The following SYAP1 variants were observed in gnomAD, a reference collection of about 807,000 sequenced individuals.
SYAP1 encodes synapse associated protein 1.
SYAP1 carries 3 observed loss-of-function variants against 29.6 expected under a neutral mutation model. The observed-to-expected ratio is 0.10, with a 90% CI of 0.05 to 0.26. The LOEUF (loss-of-function observed/expected upper bound fraction) is 0.26, where lower values mean the gene tolerates loss of function less well. SYAP1 is among the 10% of genes least tolerant of loss of function. SYAP1 has a pLI of 1.00. For missense variants in SYAP1, 217 were observed against 264.1 expected, an observed-to-expected ratio of 0.82 and a Z score of 1.24; for synonymous variants, 102 against 102.7, an observed-to-expected ratio of 0.99 and a Z score of 0.04.
chrX:16,745,634 G>A (rs1321040346), intron 5 of SYAP1, among the ~76,000 whole-genome samples: 1 of 109,048 alleles, frequency 9.2e-6, no homozygotes, highest in Non-Finnish European at 1.9e-5. Context: ...TACTCGGGAG[G>A]CTGAGGCAGG....
chrX:16,720,011 C>A, intron 1 of SYAP1, 112 bp downstream of exon 1: 1 of 778,504 alleles, frequency 1.3e-6, no homozygotes, highest in Non-Finnish European at 1.8e-6. Flanking sequence ...AGGTGGGAGG[C>A]AGGGGAGGAA....
chrX:16,760,943 A>G lies in SYAP1; in HGVS notation c.*584A>G, dbSNP rs1328966053. ...AATTTTACATTAAGAAATACTGTGC[A>G]GGCCATGCGTGGTGGCTCAGGCCTG... On this transcript the variant is annotated 3_prime_UTR_variant, in exon 9 of 9. Transcript: ENST00000380155. 1 of 111,819 alleles carries G rather than the reference A, an allele frequency of 8.9e-6. No homozygotes were observed. The highest frequency in any genetic ancestry group is 1.9e-5 in the Non-Finnish European group (1 of 53,188). 9.2% of individuals were successfully genotyped at this position (111,819 alleles called of 1,213,427 possible).
chrX:16,753,193 A>C (rs1485247306), intron 5 of SYAP1, among the ~76,000 whole-genome samples: 1 of 106,801 alleles, frequency 9.4e-6, no homozygotes, highest in Non-Finnish European at 1.9e-5. Context: ...GCAGTGAGCC[A>C]AGATCGCGCC....
intron 1 of SYAP1, among the ~76,000 whole-genome samples, chrX:16,726,451 G>A (rs932347108): frequency 1.8e-5 from 2 of 110,408 alleles, no homozygotes; most frequent in African/African-American, 3.3e-5. Context: ...TTACTTAATC[G>A]TGCTTTAAGG....
chrX:16,730,285 T>A (rs907968177), intron 1 of SYAP1, among the ~76,000 whole-genome samples: 1 of 112,183 alleles, frequency 8.9e-6, no homozygotes, highest in African/African-American at 3.2e-5. Context: ...AACCAGAAGG[T>A]GGAGGTTGCA....
chrX:16,728,448 C>T (rs1926130048), intron 1 of SYAP1, among the ~76,000 whole-genome samples: 1 of 111,323 alleles, frequency 9.0e-6, no homozygotes, highest in Non-Finnish European at 1.9e-5. Flanking sequence ...AGGTGGATCA[C>T]CTGAGGCCAG....
At chrX:16,722,145 A>G (rs893149321) in intron 1 of SYAP1, among the ~76,000 whole-genome samples, 21 of 112,345 alleles carry the variant, frequency 1.9e-4, no homozygotes, top group African/African-American at 6.5e-4. Context: ...ATTGTCTTTA[A>G]GAAGACCCAT....
intron 5 of SYAP1, among the ~76,000 whole-genome samples, chrX:16,752,589 C>T (rs753905485): frequency 9.1e-6 from 1 of 110,010 alleles, no homozygotes; most frequent in East Asian, 2.9e-4. Flanking sequence ...CCATCTCACT[C>T]TCAGACCCCA....
At chrX:16,748,251 G>A (rs1163438901) in intron 5 of SYAP1, among the ~76,000 whole-genome samples, 6 of 111,789 alleles carry the variant, frequency 5.4e-5, no homozygotes, top group Admixed American at 1.9e-4. Flanking sequence ...TGATACTCAC[G>A]GTAGGTAGGT....
At chrX:16,723,116 A>G (rs1050328836) in intron 1 of SYAP1, among the ~76,000 whole-genome samples, 3 of 111,965 alleles carry the variant, frequency 2.7e-5, no homozygotes, top group Non-Finnish European at 3.8e-5. Context: ...TGCTATTAGT[A>G]TTGCAGTGGA....
intron 5 of SYAP1, among the ~76,000 whole-genome samples, chrX:16,754,620 C>T (rs761079192): frequency 1.0e-4 from 11 of 110,326 alleles, no homozygotes; most frequent in African/African-American, 3.6e-4. Context: ...CCCAGCAACT[C>T]GGGAGGCTGA....
intron 5 of SYAP1, among the ~76,000 whole-genome samples, chrX:16,749,340 C>T (rs1426015130): frequency 9.0e-6 from 1 of 111,216 alleles, no homozygotes; most frequent in Non-Finnish European, 1.9e-5. Context: ...CAGGTGTGAG[C>T]CACTACCGTG....
rs1008445085 is a variant in SYAP1 at position 16,744,561 on chromosome X, G to A, written c.575+721G>A. ...AAAGACTCCTTTTTCAGCTGGGTGC[G>A]GTGGCCAATGCCTGTAATCTCAACA... On this transcript the variant is annotated intron_variant, in intron 5 of 8. Transcript: ENST00000380155. Among the ~76,000 whole-genome samples, 7 of 112,554 alleles carry A rather than the reference G, an allele frequency of 6.2e-5. No individual in the cohort carries two copies. In the Admixed American group the frequency reaches 6.6e-4, roughly 11 times the overall value.
Position 16,754,931 on chromosome X carries a change from C to A in SYAP1, c.576-14C>A, listed in dbSNP as rs372386637. 75 of 1,206,072 alleles carry A rather than the reference C, an allele frequency of 6.2e-5. No homozygotes were observed. The Middle Eastern group carries it at 6.9e-4, about 11-fold the overall frequency. On this transcript the variant is annotated splice_polypyrimidine_tract_variant and intron_variant, in intron 5 of 8. Coordinates refer to ENST00000380155, the MANE Select transcript of SYAP1 (RefSeq NM_032796.4). Reference sequence around the variant, plus strand: ...TGCCTTTTTCCACTGTTCTAATTTGCCTTTCTTTAAAAGTGTGAAGGAAGA... The same window carrying A: ...TGCCTTTTTCCACTGTTCTAATTTGACTTTCTTTAAAAGTGTGAAGGAAGA...
At chrX:16,749,910 C>CAAA (rs201193907) in intron 5 of SYAP1, among the ~76,000 whole-genome samples, 1 of 58,037 alleles carries the variant, frequency 1.7e-5, no homozygotes, top group Non-Finnish European at 3.4e-5. Context: ...GACTCCATCT[C>CAAA]AAAAAAAAAA....
chrX:16,739,306 A>G (rs908201156), intron 3 of SYAP1, among the ~76,000 whole-genome samples: 4 of 110,471 alleles, frequency 3.6e-5, no homozygotes, highest in African/African-American at 1.3e-4. Flanking sequence ...CCATCCACAC[A>G]TGCATGTAAC....
chrX:16,736,215 A>G lies in SYAP1; in HGVS notation c.344A>G (p.Gln115Arg). 8.4e-7 allele frequency: 1 copy of G among 1,194,863 alleles called. No individual in the cohort carries two copies. The highest frequency in any genetic ancestry group is 1.1e-6 in the Non-Finnish European group (1 of 880,208). ...QKEQKKFVEE[Q>R]HTKKSEAAVP... ...GAACAGAAAAAATTTGTTGAAGAGC[A>G]ACATACAAAGAAGTCAGGTATGGTA... Residue 115 changes from glutamine to arginine, a missense_variant, in exon 3 of 9, where the codon CAA (glutamine) becomes CGA (arginine). Coordinates refer to ENST00000380155, the MANE Select transcript of SYAP1 (RefSeq NM_032796.4).
chrX:16,726,427 C>A (rs1270644828), intron 1 of SYAP1, among the ~76,000 whole-genome samples: 3 of 110,471 alleles, frequency 2.7e-5, no homozygotes, highest in African/African-American at 9.9e-5. Context: ...TCTCTTCAGA[C>A]CCCCCAGTAA....
Position 16,750,986 on chromosome X carries a change from C to T in SYAP1, c.576-3959C>T, listed in dbSNP as rs1297995824. The stretch of plus-strand genomic sequence containing the variant: ...TTCACCATGTTGCCTAGGCTGGTCT[C>T]GAACTCCTGACCTCAGGTGATCCGC... On this transcript the variant is annotated intron_variant, in intron 5 of 8. Coordinates refer to ENST00000380155, the MANE Select transcript of SYAP1 (RefSeq NM_032796.4). Among the ~76,000 whole-genome samples the T allele has an allele frequency of 3.7e-5, 4 of 107,622 alleles. No individual in the cohort carries two copies. In the Admixed American group the frequency reaches 4.0e-4, roughly 11 times the overall value. The allele number at this position is 107,622 out of a possible 115,157, so 93.5% of individuals were successfully genotyped here.
Sources: gnomAD v4.1 joint callset for allele counts (sites outside exome capture counted in the v4.1 genomes callset) on GRCh38, gnomAD v4.1.1 for gene constraint, MANE v1.5 for transcripts, NCBI Gene and HGNC (gene_info 2026-07-23, HGNC 2026-07-21) for gene names.